The following PELI2 variants were observed in gnomAD, a reference collection of about 807,000 sequenced individuals.
The protein encoded by PELI2 is E3 ubiquitin-protein ligase pellino homolog 2.
In PELI2, 23 loss-of-function variants were observed where a neutral mutation model predicts 42.3. That is an observed-to-expected ratio of 0.54 (90% CI 0.39 to 0.77). The LOEUF (loss-of-function observed/expected upper bound fraction) is 0.77. Ranked by LOEUF, PELI2 falls within the 30% of genes least tolerant of loss-of-function variation. PELI2 has a pLI of 0.00. For synonymous variants in PELI2, 245 were observed against 212.2 expected, an observed-to-expected ratio of 1.15 and a Z score of -1.34; for missense variants, 463 against 553.2, an observed-to-expected ratio of 0.84 and a Z score of 1.64.
intron 2 of PELI2, among the ~76,000 whole-genome samples, chr14:56,234,199 C>G (rs1390298443): frequency 6.6e-6 from 1 of 152,194 alleles, no homozygotes; most frequent in Non-Finnish European, 1.5e-5. Flanking sequence ...GTGGCCATTC[C>G]TCAAGGATCT....
intron 1 of PELI2, among the ~76,000 whole-genome samples, chr14:56,139,504 T>C (rs1167869838): frequency 6.6e-6 from 1 of 152,194 alleles, no homozygotes; most frequent in Non-Finnish European, 1.5e-5. Flanking sequence ...TTGCTGCTTA[T>C]TATTGTTTAC....
chr14:56,154,061 T>C (rs545174890), intron 1 of PELI2, among the ~76,000 whole-genome samples: 16 of 152,324 alleles, frequency 1.1e-4, no homozygotes, highest in Non-Finnish European at 2.1e-4. Context: ...ATTTAGAAGA[T>C]AGAGAAAAAT....
intron 2 of PELI2, among the ~76,000 whole-genome samples, chr14:56,268,745 G>T (rs887251360): frequency 1.3e-5 from 2 of 152,156 alleles, no homozygotes; most frequent in Non-Finnish European, 2.9e-5. Flanking sequence ...CCTTACTGCA[G>T]GATCAGTCCC....
At chr14:56,168,959 A>C (rs925220826) in intron 1 of PELI2, among the ~76,000 whole-genome samples, 9 of 152,196 alleles carry the variant, frequency 5.9e-5, no homozygotes, top group African/African-American at 2.2e-4. Context: ...GGTTGTATCT[A>C]GAAATGTCAT....
At chr14:56,230,820 G>C (rs142422044) in intron 2 of PELI2, among the ~76,000 whole-genome samples, 232 of 152,306 alleles carry the variant, frequency 1.5e-3, no homozygotes, top group Middle Eastern at 6.8e-3. Flanking sequence ...TGGATAAAGA[G>C]TCAAGACCCA....
At chr14:56,265,410 A>G (rs1489492319) in intron 2 of PELI2, among the ~76,000 whole-genome samples, 1 of 152,144 alleles carries the variant, frequency 6.6e-6, no homozygotes. Flanking sequence ...GTGCTGTTTC[A>G]TTTATACATG....
At position 56,232,603 on chromosome 14, in the gene PELI2, A is replaced by T. The variant is rs7145410; in HGVS notation, c.208-47073A>T. ...TCAATAAACTAGGTATCAACGGGAC[A>T]TATCTCAAAATAATAAGAGCTATTT... On this transcript the variant is annotated intron_variant, in intron 2 of 5. Transcript: ENST00000267460. Among the ~76,000 whole-genome samples, 91 of 151,958 alleles carry T rather than the reference A, an allele frequency of 6.0e-4. 2 individuals are homozygous for T. The highest frequency in any genetic ancestry group is 2.0e-3 in the African/African-American group (82 of 41,496).
chr14:56,224,026 A>G (rs1887251532), intron 2 of PELI2, among the ~76,000 whole-genome samples: 1 of 152,272 alleles, frequency 6.6e-6, no homozygotes, highest in Non-Finnish European at 1.5e-5. Context: ...GTGGGGCAGT[A>G]TAAATTCATC....
chr14:56,153,508 A>G (rs1162002231), intron 1 of PELI2, among the ~76,000 whole-genome samples: 3 of 152,182 alleles, frequency 2.0e-5, no homozygotes, highest in Admixed American at 6.5e-5. Flanking sequence ...TCCAAGACAA[A>G]CTTTTCAGAC....
At chr14:56,290,225 A>C (rs374796503) in intron 4 of PELI2, 43 bp from the exon 5 acceptor site, 1 of 1,419,802 alleles carries the variant, frequency 7.0e-7, no homozygotes, top group Non-Finnish European at 9.4e-7. Context: ...CCATTTCAAC[A>C]TCATCTTAAC....
At chr14:56,266,224 TA>T (rs1473285255) in intron 2 of PELI2, among the ~76,000 whole-genome samples, 1 of 151,944 alleles carries the variant, frequency 6.6e-6, no homozygotes, top group Non-Finnish European at 1.5e-5. Flanking sequence ...AACTATAAAG[TA>T]AAATCCAAAA....
intron 2 of PELI2, among the ~76,000 whole-genome samples, chr14:56,181,028 C>T (rs758029547): frequency 3.3e-5 from 5 of 152,196 alleles, no homozygotes; most frequent in Admixed American, 6.5e-5. Context: ...TCCCTGACTC[C>T]GTAGCATCTA....
chr14:56,226,933 T>C (rs1887378413), intron 2 of PELI2, among the ~76,000 whole-genome samples: 1 of 152,242 alleles, frequency 6.6e-6, no homozygotes, highest in Non-Finnish European at 1.5e-5. Flanking sequence ...AATGACTTTT[T>C]ACTTTATGAA....
At chr14:56,278,552 G>A (rs1043473945) in intron 2 of PELI2, among the ~76,000 whole-genome samples, 9 of 152,098 alleles carry the variant, frequency 5.9e-5, no homozygotes, top group Admixed American at 5.9e-4. Context: ...TCTTAAGGAA[G>A]CACATAAAAT....
intron 2 of PELI2, among the ~76,000 whole-genome samples, chr14:56,214,343 G>A (rs1401339943): frequency 2.0e-5 from 3 of 152,180 alleles, no homozygotes; most frequent in African/African-American, 7.2e-5. Context: ...AGGAAATGAT[G>A]CTACTTTTTT....
intron 2 of PELI2, among the ~76,000 whole-genome samples, chr14:56,255,839 C>T (rs189515074): frequency 1.1e-3 from 170 of 152,232 alleles, no homozygotes; most frequent in South Asian, 3.3e-3. Flanking sequence ...CTTGTCTGCT[C>T]CTTACTGTAC....
chr14:56,207,275 A>G (rs577021681), intron 2 of PELI2, among the ~76,000 whole-genome samples: 1 of 152,324 alleles, frequency 6.6e-6, no homozygotes, highest in South Asian at 2.1e-4. Context: ...TCATCATATC[A>G]AAATCAGAAC....
chr14:56,238,576 C>G (rs1464115425), intron 2 of PELI2, among the ~76,000 whole-genome samples: 3 of 152,138 alleles, frequency 2.0e-5, no homozygotes, highest in Non-Finnish European at 4.4e-5. Context: ...TCTTAAGTAA[C>G]TTTTGTTGGG....
chr14:56,264,590 G>T (rs1324039079), intron 2 of PELI2, among the ~76,000 whole-genome samples: 2 of 152,164 alleles, frequency 1.3e-5, no homozygotes, highest in African/African-American at 2.4e-5. Context: ...ATTTAAAAAA[G>T]CATAGTGGAC....
Sources: allele counts gnomAD v4.1 joint callset (sites outside exome capture counted in the v4.1 genomes callset), GRCh38; gene constraint gnomAD v4.1.1; transcripts MANE v1.5; gene names NCBI Gene and HGNC (gene_info 2026-07-23, HGNC 2026-07-21).